RXFP1: variants seen among roughly 807,000 people sequenced by gnomAD.
RXFP1 encodes relaxin receptor 1.
In RXFP1, 73 loss-of-function variants were observed where a neutral mutation model predicts 89.8. The ratio of observed to expected loss-of-function variants is 0.81; its 90% CI spans 0.67 to 0.99. The LOEUF (loss-of-function observed/expected upper bound fraction) is 0.99, where lower values mean the gene tolerates loss of function less well. Among genes scored for constraint, RXFP1 ranks in the 50% least tolerant of loss-of-function variants. The pLI is 0.00. For missense variants in RXFP1, 793 were observed against 895.5 expected, an observed-to-expected ratio of 0.89 and a Z score of 1.46; for synonymous variants, 277 against 305.5, an observed-to-expected ratio of 0.91 and a Z score of 0.97.
At chr4:158,599,210 A>G (rs756296323) in intron 3 of RXFP1, 116 bp from the exon 4 acceptor site, 7 of 1,522,702 alleles carry the variant, frequency 4.6e-6, no homozygotes, top group Non-Finnish European at 6.2e-6. Context: ...TACGTAGCAC[A>G]TGATATGCTT....
Position 158,562,335 on chromosome 4 carries a change from T to C in RXFP1, c.50-10363T>C, listed in dbSNP as rs1016123420. Among the ~76,000 whole-genome samples the C allele has an allele frequency of 5.9e-5, 9 of 151,344 alleles. No individual in the cohort carries two copies. In the East Asian group the frequency reaches 1.6e-3, roughly 26 times the overall value. On this transcript the variant is annotated intron_variant, in intron 1 of 17. Coordinates refer to ENST00000307765, the MANE Select transcript of RXFP1 (RefSeq NM_021634.4). ...GTCAGGAGATCGAGACCATCCCGGC[T>C]AAAACGGTGAAACCCCGTCTCTACT...
chr4:158,546,259 A>T (rs1406149826), intron 1 of RXFP1, among the ~76,000 whole-genome samples: 1 of 152,000 alleles, frequency 6.6e-6, no homozygotes, highest in Non-Finnish European at 1.5e-5. Flanking sequence ...TTTGTCTGTT[A>T]TTGGTGTATA....
At chr4:158,632,254 A>C (rs571413543) in intron 11 of RXFP1, among the ~76,000 whole-genome samples, 22 of 152,312 alleles carry the variant, frequency 1.4e-4, no homozygotes, top group African/African-American at 5.1e-4. Flanking sequence ...GACGTTTATA[A>C]TATTTATCAC....
intron 1 of RXFP1, among the ~76,000 whole-genome samples, chr4:158,531,752 T>C (rs1744097828): frequency 6.6e-6 from 1 of 152,146 alleles, no homozygotes; most frequent in South Asian, 2.1e-4. Context: ...ACCAGAAACC[T>C]CATATGTGTA....
At chr4:158,647,314 C>A in intron 16 of RXFP1, 113 bp downstream of exon 16, 1 of 836,034 alleles carries the variant, frequency 1.2e-6, no homozygotes, top group Non-Finnish European at 1.8e-6. Flanking sequence ...GGATTTTCCT[C>A]CCCAAATTAT....
At chr4:158,532,569 C>G (rs1744317042) in intron 1 of RXFP1, among the ~76,000 whole-genome samples, 1 of 152,170 alleles carries the variant, frequency 6.6e-6, no homozygotes, top group Non-Finnish European at 1.5e-5. Context: ...GTGAACATCT[C>G]CAGTCACTTT....
chr4:158,542,109 A>ATATTTT, intron 1 of RXFP1, among the ~76,000 whole-genome samples: 33 of 35,238 alleles, frequency 9.4e-4, no homozygotes, highest in Admixed American at 3.4e-3. Context: ...ATATATATAT[A>ATATTTT]TTTTTTTTTT....
intron 5 of RXFP1, among the ~76,000 whole-genome samples, chr4:158,606,857 G>A (rs1580006595): frequency 6.6e-6 from 1 of 151,576 alleles, no homozygotes; most frequent in African/African-American, 2.4e-5. Flanking sequence ...TGCAATTATG[G>A]GCATAACCCA....
chr4:158,589,764 T>C (rs1759052790), intron 2 of RXFP1, among the ~76,000 whole-genome samples: 1 of 152,096 alleles, frequency 6.6e-6, no homozygotes, highest in Non-Finnish European at 1.5e-5. Context: ...ACTTAAAAGA[T>C]ATGACAGACG....
rs149058483 is a variant in RXFP1, at chr4:158,593,167, G to A, written c.188-234G>A. Among the ~76,000 whole-genome samples the A allele has an allele frequency of 2.1e-3, 318 of 151,730 alleles. 1 individual carries two copies. The highest frequency in any genetic ancestry group is 7.1e-3 in the African/African-American group (294 of 41,356). On this transcript the variant is annotated intron_variant, in intron 2 of 17. Coordinates refer to ENST00000307765, the MANE Select transcript of RXFP1 (RefSeq NM_021634.4). ...TCACTCCCCCAAAATGTTTTTAATCGAAATAATTAAATTAAATTTAAAATG... is the reference window on the plus strand; with the variant it reads ...TCACTCCCCCAAAATGTTTTTAATCAAAATAATTAAATTAAATTTAAAATG...
At chr4:158,603,144 A>G (rs1445841389) in intron 4 of RXFP1, among the ~76,000 whole-genome samples, 10 of 152,028 alleles carry the variant, frequency 6.6e-5, no homozygotes, top group Non-Finnish European at 1.5e-5. Flanking sequence ...CAGTCTCACT[A>G]TGTTGCCAAG....
intron 8 of RXFP1, among the ~76,000 whole-genome samples, chr4:158,615,082 C>T (rs1396658072): frequency 1.3e-5 from 2 of 152,054 alleles, no homozygotes; most frequent in East Asian, 3.8e-4. Context: ...TCTTGTGGGA[C>T]TCTTCCTTTC....
In RXFP1 at chr4:158,626,909, CT is replaced by C; in HGVS notation, c.827+22del. ...ACTGTTTTGTAAGTAATATGCTATG[CT>C]TTTGAAGTAATATTATCTTTTCTTA... On this transcript the variant is annotated intron_variant, in intron 10 of 17. Coordinates refer to ENST00000307765, the MANE Select transcript of RXFP1 (RefSeq NM_021634.4). The C allele has an allele frequency of 8.1e-7, 1 of 1,233,916 alleles. No individual in the cohort carries two copies. The highest frequency in any genetic ancestry group is 1.1e-6 in the Non-Finnish European group (1 of 875,968). The allele number at this position is 1,233,916 out of a possible 1,614,324, so 76.4% of individuals were successfully genotyped here. A position where few individuals can be genotyped will look rare whatever the true frequency, so the allele number is the denominator to read the frequency against.
chr4:158,569,449 G>A (rs1284911821), intron 1 of RXFP1, among the ~76,000 whole-genome samples: 1 of 152,206 alleles, frequency 6.6e-6, no homozygotes, highest in East Asian at 1.9e-4. Context: ...ATGTGTCAGT[G>A]TAGGTTCATC....
intron 1 of RXFP1, among the ~76,000 whole-genome samples, chr4:158,528,605 A>G (rs1743201790): frequency 6.6e-6 from 1 of 152,190 alleles, no homozygotes; most frequent in Non-Finnish European, 1.5e-5. Flanking sequence ...TTCCCCAGAC[A>G]ATAGAGTCAT....
chr4:158,581,605 T>C (rs1757368881), intron 2 of RXFP1, among the ~76,000 whole-genome samples: 1 of 152,206 alleles, frequency 6.6e-6, no homozygotes, highest in Non-Finnish European at 1.5e-5. Context: ...GTATGAATAA[T>C]GAGTAGTATT....
At chr4:158,635,218 T>G (rs1190240886) in intron 12 of RXFP1, among the ~76,000 whole-genome samples, 2 of 152,194 alleles carry the variant, frequency 1.3e-5, no homozygotes, top group Non-Finnish European at 2.9e-5. Flanking sequence ...GTTTCGCAGT[T>G]GCCAGGGTAT....
Position 158,651,818 on chromosome 4 carries a change from T to G in RXFP1, c.2037T>G (p.Ile679Met). Reference sequence around the variant, plus strand: ...CCATTAACAGTGCTTTGAACCCAATTCTCTATACTCTGACCACAAGACCAT... The same window carrying G: ...CCATTAACAGTGCTTTGAACCCAATGCTCTATACTCTGACCACAAGACCAT... ...ILPINSALNPILYTLTTRPFK... is the reference protein window; with the variant it reads ...ILPINSALNPMLYTLTTRPFK... The change falls in exon 18 of 18, where the codon ATT becomes ATG. Residue 679 changes from isoleucine to methionine, a missense_variant. Ile to Met is a conservative substitution (Grantham distance 10). Coordinates refer to ENST00000307765, the MANE Select transcript of RXFP1 (RefSeq NM_021634.4). 6.2e-7 allele frequency: 1 copy of G among 1,614,060 alleles called. No homozygotes were observed. The highest frequency in any genetic ancestry group is 1.3e-5 in the African/African-American group (1 of 75,042).
Position 158,608,758 on chromosome 4 carries a change from T to G in RXFP1, c.536+715T>G, listed in dbSNP as rs146636428. Among the ~76,000 whole-genome samples, 440 of 152,320 alleles carry G rather than the reference T, an allele frequency of 2.9e-3. 2 individuals are homozygous for G. Among genetic ancestry groups the G allele is most frequent in the African/African-American group, 9.7e-3 (405 of 41,566 alleles). On this transcript the variant is annotated intron_variant, in intron 6 of 17. Transcript: ENST00000307765. Reference sequence around the variant, plus strand: ...ATCTTCCCCAACTGAAACTCCATATTTGTTGAATAATAATTCCTCATATCT... The same window carrying G: ...ATCTTCCCCAACTGAAACTCCATATGTGTTGAATAATAATTCCTCATATCT...
Sources: allele counts gnomAD v4.1 joint callset (sites outside exome capture counted in the v4.1 genomes callset), GRCh38; gene constraint gnomAD v4.1.1; transcripts MANE v1.5; gene names NCBI Gene and HGNC (gene_info 2026-07-23, HGNC 2026-07-21).